The following RAB11FIP3 variants were observed in gnomAD, a reference collection of about 807,000 sequenced individuals.
RAB11FIP3 encodes the protein rab11 family-interacting protein 3.
Under a neutral mutation model 77.8 loss-of-function variants are expected in RAB11FIP3, and 17 were observed. The ratio of observed to expected loss-of-function variants is 0.22; its 90% CI spans 0.15 to 0.33. The LOEUF (loss-of-function observed/expected upper bound fraction) is 0.33, where lower values mean the gene tolerates loss of function less well. Ranked by LOEUF, RAB11FIP3 falls within the 10% of genes least tolerant of loss-of-function variation. The pLI, the probability that RAB11FIP3 is intolerant of heterozygous loss-of-function variation, is 1.00. For synonymous variants in RAB11FIP3, 437 were observed against 448.2 expected, an observed-to-expected ratio of 0.98 and a Z score of 0.31; for missense variants, 1,005 against 1,011.2, an observed-to-expected ratio of 0.99 and a Z score of 0.08.
rs749146194 is a variant in RAB11FIP3 at position 505,665 on chromosome 16, G to A, written c.1499+38G>A. The A allele has an allele frequency of 4.5e-5, 66 of 1,477,484 alleles. No homozygotes were observed. In the South Asian group the frequency reaches 6.0e-4, roughly 13 times the overall value. 91.5% of individuals were successfully genotyped at this position (1,477,484 alleles called of 1,614,324 possible). ...CAGGAGACCCGGGCCTCTGCGTGGC[G>A]CCTCCTGTGCCCGCCTGTCAGCCCC... On this transcript the variant is annotated intron_variant, in intron 8 of 13. Coordinates refer to ENST00000262305, the MANE Select transcript of RAB11FIP3 (RefSeq NM_014700.4). This position sits in a 1 kb window ranked among gnomAD's most constrained non-coding sequence, Gnocchi z 4.0.
intron 2 of RAB11FIP3, among the ~76,000 whole-genome samples, chr16:462,825 G>GATCCCTTCCCCAGCACC (rs1567371119): frequency 1.2e-4 from 12 of 99,314 alleles, no homozygotes; most frequent in African/African-American, 2.0e-4. Context: ...TCCCCAGCAC[G>GATCCCTTCCCCAGCACC]ATCCCTTCCC....
chr16:473,397 A>G (rs1400452806), intron 3 of RAB11FIP3, among the ~76,000 whole-genome samples: 1 of 152,236 alleles, frequency 6.6e-6, no homozygotes, highest in Admixed American at 6.6e-5. Context: ...AAAATGGAAC[A>G]TAGTGTAGAG....
rs962641992 is a variant in RAB11FIP3 at position 471,904 on chromosome 16, C to T, written c.903+515C>T. On this transcript the variant is annotated intron_variant, in intron 3 of 13. Coordinates refer to ENST00000262305, the MANE Select transcript of RAB11FIP3 (RefSeq NM_014700.4). The surrounding 1 kb of genome is among the most constrained non-coding windows in gnomAD (Gnocchi z 4.4). ...GAGGGTCTTCGAGCACAGCCGTGGT[C>T]GACAGAGCGTAACCATGTCCGCCGG... 2.6e-5 allele frequency among the ~76,000 whole-genome samples: 4 copies of T among 152,026 alleles called. No homozygotes were observed. Among genetic ancestry groups the T allele is most frequent in the African/African-American group, 9.7e-5 (4 of 41,382 alleles).
intron 1 of RAB11FIP3, among the ~76,000 whole-genome samples, chr16:435,393 A>G (rs763719917): frequency 1.5e-4 from 23 of 152,176 alleles, no homozygotes; most frequent in Admixed American, 2.0e-4. Flanking sequence ...TAGTTATATC[A>G]GACAAAAGGA....
intron 6 of RAB11FIP3, 56 bp downstream of exon 6, chr16:496,915 A>C: frequency 1.4e-6 from 2 of 1,460,218 alleles, no homozygotes; most frequent in Non-Finnish European, 1.9e-6. Context: ...AATTAATCAT[A>C]GTTTTTTAAA....
intron 3 of RAB11FIP3, among the ~76,000 whole-genome samples, chr16:474,470 T>G (rs901212230): frequency 7.9e-5 from 12 of 152,096 alleles, no homozygotes; most frequent in African/African-American, 2.9e-4. Context: ...GGGGATGGAC[T>G]GTGGCGCCGC....
At chr16:516,312 A>C (rs918158628) in intron 9 of RAB11FIP3, among the ~76,000 whole-genome samples, 3 of 152,194 alleles carry the variant, frequency 2.0e-5, no homozygotes, top group African/African-American at 4.8e-5. Context: ...ATTATGGAGA[A>C]GATCCAGGGT....
At chr16:467,349 G>T (rs944655696) in intron 2 of RAB11FIP3, among the ~76,000 whole-genome samples, 1 of 152,206 alleles carries the variant, frequency 6.6e-6, no homozygotes, top group Non-Finnish European at 1.5e-5. Flanking sequence ...TGTGAGGGGT[G>T]GGACACTGAG....
At chr16:518,092 T>C (rs924980402) in intron 9 of RAB11FIP3, among the ~76,000 whole-genome samples, 1 of 152,022 alleles carries the variant, frequency 6.6e-6, no homozygotes, top group Non-Finnish European at 1.5e-5. Context: ...AATAAGTAAA[T>C]AAATAGATAC....
At chr16:445,457 A>G (rs1037906169) in intron 1 of RAB11FIP3, among the ~76,000 whole-genome samples, 2 of 152,130 alleles carry the variant, frequency 1.3e-5, no homozygotes, top group Admixed American at 6.6e-5. Flanking sequence ...AAATAAAAAT[A>G]AAAAAAGATT....
chr16:512,858 T>C (rs1283014087), intron 9 of RAB11FIP3, among the ~76,000 whole-genome samples: 3 of 152,110 alleles, frequency 2.0e-5, no homozygotes, highest in Non-Finnish European at 4.4e-5. Flanking sequence ...ATCATTATTT[T>C]AAATAGAGAC....
At chr16:475,172 G>T (rs2055879378) in intron 3 of RAB11FIP3, 11 of 1,472,674 alleles carry the variant, frequency 7.5e-6, no homozygotes, top group Admixed American at 2.2e-5. Flanking sequence ...AGGGAAGAAG[G>T]AACTGTGACG....
intron 1 of RAB11FIP3, among the ~76,000 whole-genome samples, chr16:458,739 CCACCCAAGAGGGGCTTTCTT>C (rs2055552653): frequency 6.6e-6 from 1 of 152,140 alleles, no homozygotes; most frequent in African/African-American, 2.4e-5. Context: ...GTCCAGCCCG[CCACCCAAGAGGGGCTTTCTT>C]CAGGAGTCTG....
chr16:450,886 C>T (rs2055396976), intron 1 of RAB11FIP3, among the ~76,000 whole-genome samples: 1 of 144,362 alleles, frequency 6.9e-6, no homozygotes, highest in African/African-American at 2.5e-5. Context: ...TTCCCCTCGC[C>T]TGGGGCACAC....
At position 486,577 on chromosome 16, in the gene RAB11FIP3, G is replaced by A. The variant is rs142011992; in HGVS notation, c.1116-2274G>A. 2.0e-3 allele frequency among the ~76,000 whole-genome samples: 311 copies of A among 152,346 alleles called. 1 individual carries two copies. The highest frequency in any genetic ancestry group is 7.0e-3 in the African/African-American group (293 of 41,584). The stretch of plus-strand genomic sequence containing the variant: ...TGGCTGGATCTAACTGCTAGCTAGC[G>A]CGGCTCATCTTCTGTGGACCGTGGA... On this transcript the variant is annotated intron_variant, in intron 4 of 13. Transcript: ENST00000262305.
intron 1 of RAB11FIP3, among the ~76,000 whole-genome samples, chr16:427,222 T>G (rs1422362715): frequency 6.6e-6 from 1 of 152,258 alleles, no homozygotes; most frequent in Non-Finnish European, 1.5e-5. Flanking sequence ...TTACTGTGTG[T>G]GGTTGACATC....
intron 1 of RAB11FIP3, among the ~76,000 whole-genome samples, chr16:454,852 C>A (rs2055469582): frequency 6.6e-6 from 1 of 152,022 alleles, no homozygotes; most frequent in Admixed American, 6.6e-5. Flanking sequence ...GAGTTCCAGA[C>A]CAGCTTGGCT....
At chr16:487,131 C>CTTTTT (rs34597208) in intron 4 of RAB11FIP3, among the ~76,000 whole-genome samples, 2 of 134,524 alleles carry the variant, frequency 1.5e-5, no homozygotes, top group Non-Finnish European at 3.1e-5. Context: ...GTTTTGGTTT[C>CTTTTT]TTTTTTTTTT....
chr16:519,192 C>T (rs1439727311), intron 10 of RAB11FIP3, 168 bp downstream of exon 10: 2 of 666,956 alleles, frequency 3.0e-6, no homozygotes, highest in Non-Finnish European at 5.1e-6. Context: ...GACCGTGCTC[C>T]ACCCACAGGA....
Sources: allele counts gnomAD v4.1 joint callset (sites outside exome capture counted in the v4.1 genomes callset), GRCh38; gene constraint gnomAD v4.1.1; non-coding constraint Gnocchi (gnomAD v3.1); transcripts MANE v1.5; gene names NCBI Gene and HGNC (gene_info 2026-07-23, HGNC 2026-07-21).